PTPRG: variants seen among roughly 807,000 people sequenced by gnomAD.
The protein encoded by PTPRG is receptor-type tyrosine-protein phosphatase gamma.
A neutral mutation model predicts 165.3 loss-of-function variants in PTPRG; 102 were observed. The observed-to-expected ratio is 0.62, with a 90% CI of 0.53 to 0.73. PTPRG has a LOEUF of 0.73. PTPRG is among the 30% of genes least tolerant of loss of function. PTPRG has a pLI of 0.00. For synonymous variants in PTPRG, 675 were observed against 669.5 expected, an observed-to-expected ratio of 1.01 and a Z score of -0.13; for missense variants, 1,866 against 1,861.4, an observed-to-expected ratio of 1.00 and a Z score of -0.05.
At chr3:61,879,001 G>A (rs188542821) in intron 2 of PTPRG, among the ~76,000 whole-genome samples, 8 of 152,246 alleles carry the variant, frequency 5.3e-5, no homozygotes, top group African/African-American at 1.9e-4. Flanking sequence ...ATTAACAGGA[G>A]GTAAATCTAA....
intron 1 of PTPRG, among the ~76,000 whole-genome samples, chr3:61,747,104 C>G (rs906606428): frequency 2.9e-5 from 4 of 139,822 alleles, no homozygotes; most frequent in Non-Finnish European, 6.2e-5. Context: ...GCCTGTTCGA[C>G]AGAGCAAGAC....
intron 1 of PTPRG, among the ~76,000 whole-genome samples, chr3:61,670,468 C>A (rs549290769): frequency 2.0e-5 from 3 of 152,260 alleles, no homozygotes; most frequent in Admixed American, 6.5e-5. Flanking sequence ...TATGTCACAG[C>A]GCATTGCAGA....
At chr3:61,887,571 C>A (rs1337996870) in intron 2 of PTPRG, among the ~76,000 whole-genome samples, 2 of 152,134 alleles carry the variant, frequency 1.3e-5, no homozygotes, top group African/African-American at 4.8e-5. Context: ...ATTCTGGGAA[C>A]TTTTTATGTG....
chr3:62,010,370 T>TTTTGTG (rs1553704190), intron 4 of PTPRG, among the ~76,000 whole-genome samples: 3 of 149,572 alleles, frequency 2.0e-5, no homozygotes, highest in Middle Eastern at 3.5e-3. Context: ...CCCTCTCTTC[T>TTTTGTG]TGTGTGTGTG....
chr3:62,218,511 C>T (rs1473765835), intron 12 of PTPRG, among the ~76,000 whole-genome samples: 1 of 152,166 alleles, frequency 6.6e-6, no homozygotes, highest in Non-Finnish European at 1.5e-5. Flanking sequence ...CAGCACATGT[C>T]CTCAGCACAT....
chr3:61,968,173 T>A (rs1359385845), intron 2 of PTPRG, among the ~76,000 whole-genome samples: 1 of 152,214 alleles, frequency 6.6e-6, no homozygotes, highest in Non-Finnish European at 1.5e-5. Flanking sequence ...AATACAATGG[T>A]CTGAACCATT....
At chr3:61,706,885 C>T (rs1268112679) in intron 1 of PTPRG, among the ~76,000 whole-genome samples, 1 of 152,156 alleles carries the variant, frequency 6.6e-6, no homozygotes, top group Non-Finnish European at 1.5e-5. Flanking sequence ...GCTTAACCTA[C>T]CCCTCCTAGT....
intron 12 of PTPRG, among the ~76,000 whole-genome samples, chr3:62,206,429 C>A (rs1174638965): frequency 1.3e-5 from 2 of 152,092 alleles, no homozygotes; most frequent in Non-Finnish European, 2.9e-5. Flanking sequence ...GTCCCGTGTC[C>A]TCGTTTGCAA....
At chr3:61,582,454 A>AG (rs1356225590) in intron 1 of PTPRG, among the ~76,000 whole-genome samples, 6 of 152,112 alleles carry the variant, frequency 3.9e-5, no homozygotes, top group Non-Finnish European at 8.8e-5. Context: ...CTGTTTCTCT[A>AG]GGGGGGAATG....
At chr3:62,082,851 C>T (rs2526426) in intron 5 of PTPRG, among the ~76,000 whole-genome samples, 44,253 of 152,022 alleles carry the variant, frequency 0.29, 8,350 homozygotes, top group African/African-American at 0.54. Context: ...GCGCTCCCTT[C>T]GTAGCCACTG....
At position 61,792,340 on chromosome 3, in the gene PTPRG, G is replaced by A. The variant is rs3915898; in HGVS notation, c.190+43358G>A. 2.4e-3 allele frequency among the ~76,000 whole-genome samples: 358 copies of A among 151,734 alleles called. 9 individuals carry two copies. The highest frequency in any genetic ancestry group is 0.019 in the Admixed American group (292 of 15,264). On this transcript the variant is annotated intron_variant, in intron 2 of 29. Coordinates refer to ENST00000474889, the MANE Select transcript of PTPRG (RefSeq NM_002841.4). Reference sequence around the variant, plus strand: ...CTCAGCTCCACAGGCACCCACCCCCGTCACCCCTCCGTAGCTGGGACTGCA... The same window carrying A: ...CTCAGCTCCACAGGCACCCACCCCCATCACCCCTCCGTAGCTGGGACTGCA...
intron 2 of PTPRG, among the ~76,000 whole-genome samples, chr3:61,773,937 G>A (rs558260306): frequency 2.0e-5 from 3 of 151,898 alleles, no homozygotes; most frequent in African/African-American, 4.8e-5. Flanking sequence ...ACCACGCGTG[G>A]CTAATTTTTG....
intron 5 of PTPRG, among the ~76,000 whole-genome samples, chr3:62,104,427 C>T (rs758882839): frequency 6.6e-6 from 1 of 152,184 alleles, no homozygotes; most frequent in Non-Finnish European, 1.5e-5. Context: ...AAAGTCAGTA[C>T]AATTCTACCT....
intron 1 of PTPRG, among the ~76,000 whole-genome samples, chr3:61,665,469 TACACACACACACACAC>T (rs10662394): frequency 3.5e-5 from 5 of 144,026 alleles, no homozygotes; most frequent in East Asian, 2.1e-4. Flanking sequence ...TGTAAATAAA[TACACACACACACACAC>T]ACACACACAC....
rs1576212135 is a variant in PTPRG at position 62,276,794 on chromosome 3, A to C, written c.3560-178A>C. The C allele has an allele frequency of 1.0e-5, 6 of 577,716 alleles. 1 individual carries two copies. In the East Asian group the frequency reaches 1.2e-4, roughly 11 times the overall value. 35.8% of individuals were successfully genotyped at this position (577,716 alleles called of 1,614,324 possible). ...GTGTCCTTCTGGGTATGTGCAGCAA[A>C]ATTTCATTTTACATTCTGCCTCAGC... On this transcript the variant is annotated intron_variant, in intron 24 of 29. Coordinates refer to ENST00000474889, the MANE Select transcript of PTPRG (RefSeq NM_002841.4).
At chr3:62,114,096 C>T (rs1048284859) in intron 5 of PTPRG, among the ~76,000 whole-genome samples, 28 of 152,234 alleles carry the variant, frequency 1.8e-4, no homozygotes, top group African/African-American at 6.5e-4. Context: ...GTCAGGAGTT[C>T]GAGACCAGCC....
intron 4 of PTPRG, among the ~76,000 whole-genome samples, chr3:62,057,173 C>T (rs1700661065): frequency 6.6e-6 from 1 of 152,070 alleles, no homozygotes; most frequent in Non-Finnish European, 1.5e-5. Context: ...TTTAATGGGC[C>T]TTACCTGAGA....
At chr3:61,645,715 A>G (rs1019793822) in intron 1 of PTPRG, among the ~76,000 whole-genome samples, 3 of 152,152 alleles carry the variant, frequency 2.0e-5, no homozygotes, top group Non-Finnish European at 4.4e-5. Context: ...GGAATTATTG[A>G]TCTTTGTTGT....
intron 1 of PTPRG, among the ~76,000 whole-genome samples, chr3:61,745,183 T>G (rs1314267491): frequency 6.6e-6 from 1 of 151,416 alleles, no homozygotes; most frequent in Non-Finnish European, 1.5e-5. Context: ...CCCGAGTAGC[T>G]GGGACTGCAG....
Sources: gnomAD v4.1 joint callset for allele counts (sites outside exome capture counted in the v4.1 genomes callset) on GRCh38, gnomAD v4.1.1 for gene constraint, MANE v1.5 for transcripts, NCBI Gene and HGNC (gene_info 2026-07-23, HGNC 2026-07-21) for gene names.